The following RAN variants were observed in gnomAD, a reference collection of about 807,000 sequenced individuals.
RAN encodes the protein GTP-binding nuclear protein Ran.
RAN carries 2 observed loss-of-function variants against 26.8 expected under a neutral mutation model. The ratio of observed to expected loss-of-function variants is 0.07; its 90% confidence interval spans 0.03 to 0.23. RAN has a LOEUF of 0.23. Ranked by LOEUF, RAN falls within the 10% of genes least tolerant of loss-of-function variation. RAN has a pLI of 1.00. For synonymous variants in RAN, 132 were observed against 95.9 expected (o/e 1.38, Z -2.20); for missense variants, 56 against 264.8 (o/e 0.21, Z 5.47).
intron 4 of RAN, 181 bp downstream of exon 4, chr12:130,873,309 C>T (rs1953173889): frequency 4.2e-6 from 3 of 709,392 alleles, no homozygotes; most frequent in Non-Finnish European, 6.9e-6. Context: ...AAAGTTGTGT[C>T]ATTTGCATGC....
intron 4 of RAN, 69 bp from the exon 5 acceptor site, chr12:130,874,475 GTC>G: frequency 7.9e-7 from 1 of 1,262,728 alleles, no homozygotes; most frequent in Non-Finnish European, 1.1e-6. Context: ...TTGAATCCTA[GTC>G]TCTGGTTCTT....
Position 130,873,132 on chromosome 12 carries a change from G to A in RAN, c.247+4G>A. 6.2e-7 allele frequency: 1 copy of A among 1,614,156 alleles called. No homozygotes were observed. Among genetic ancestry groups the A allele is most frequent in the Non-Finnish European group, 8.5e-7 (1 of 1,180,006 alleles). ...AGAGATGGCTATTATATCCAAGGTA[G>A]GCATTTGTAACTTGCTGAACGGTTT... On this transcript the variant is annotated splice_donor_region_variant and intron_variant, in intron 4 of 6. Coordinates refer to ENST00000543796, the MANE Select transcript of RAN (RefSeq NM_006325.5).
rs567515486 is a variant in RAN, at chr12:130,874,811, A to G, written c.435+78A>G. Reference sequence around the variant, plus strand: ...AAGACCATGAAATTAACCAGTGTCTATTATATATGGAAATGATTTTTTTTT... The same window carrying G: ...AAGACCATGAAATTAACCAGTGTCTGTTATATATGGAAATGATTTTTTTTT... On this transcript the variant is annotated intron_variant, in intron 5 of 6. Coordinates refer to ENST00000543796, the MANE Select transcript of RAN (RefSeq NM_006325.5). 1.2e-4 allele frequency: 149 copies of G among 1,213,220 alleles called. No individual in the cohort carries two copies. In the South Asian group the frequency reaches 2.1e-3, roughly 17 times the overall value. 75.2% of individuals were successfully genotyped at this position (1,213,220 alleles called of 1,614,324 possible).
In RAN at chr12:130,877,260, G is replaced by A. The variant is rs546280440; in HGVS notation, c.*1334G>A. On this transcript the variant is annotated 3_prime_UTR_variant, in exon 7 of 7. Coordinates refer to ENST00000543796, the MANE Select transcript of RAN (RefSeq NM_006325.5). ...GATGTCTGATAATCTTGAGATGATT[G>A]CTTACCTTAAAAGGTATAGAAAGGA... The A allele has an allele frequency of 7.9e-5, 12 of 152,174 alleles. No individual in the cohort carries two copies. Among genetic ancestry groups the A allele is most frequent in the African/African-American group, 2.9e-4 (12 of 41,502 alleles). 9.4% of individuals were successfully genotyped at this position (152,174 alleles called of 1,614,324 possible).
intron 4 of RAN, chr12:130,874,083 A>G (rs1008148113): frequency 2.9e-6 from 1 of 339,772 alleles, no homozygotes; most frequent in Non-Finnish European, 6.1e-6. Flanking sequence ...TCATGAGCTC[A>G]GGTGATCCAC....
chr12:130,876,208 A>C lies in RAN; in HGVS notation c.*282A>C, dbSNP rs1953237570. On this transcript the variant is annotated 3_prime_UTR_variant, in exon 7 of 7. Coordinates refer to ENST00000543796, the MANE Select transcript of RAN (RefSeq NM_006325.5). ...AGTCACATCACAATATTCAGTGGTGAAATCTTGTTTGTTACTGTCATTCCC... is the reference window on the plus strand; with the variant it reads ...AGTCACATCACAATATTCAGTGGTGCAATCTTGTTTGTTACTGTCATTCCC... 9.3e-6 allele frequency: 4 copies of C among 428,850 alleles called. No homozygotes were observed. The highest frequency in any genetic ancestry group is 8.1e-5 in the Admixed American group (2 of 24,664). The allele number at this position is 428,850 out of a possible 1,614,324, so 26.6% of individuals were successfully genotyped here. A position where few individuals can be genotyped will look rare whatever the true frequency, so the allele number is the denominator to read the frequency against.
Position 130,872,577 on chromosome 12 carries a change from T to C in RAN, c.-10-7T>C. The C allele has an allele frequency of 1.3e-6, 2 of 1,507,716 alleles. No individual in the cohort carries two copies. Among genetic ancestry groups the C allele is most frequent in the Non-Finnish European group, 1.8e-6 (2 of 1,132,874 alleles). 93.4% of individuals were successfully genotyped at this position (1,507,716 alleles called of 1,614,324 possible). ...CGAGCGCTCGCCTCCGTCCTCTGCCTCCGCAGGAACGCCGCGATGGCTGCG... is the reference window on the plus strand; with the variant it reads ...CGAGCGCTCGCCTCCGTCCTCTGCCCCCGCAGGAACGCCGCGATGGCTGCG... On this transcript the variant is annotated splice_polypyrimidine_tract_variant and splice_region_variant and intron_variant, in intron 1 of 6. Transcript: ENST00000543796.
rs570742277 is a variant in RAN at position 130,876,958 on chromosome 12, A to G, written c.*1032A>G. ...CCCCGGGAGGGTTTTTTTGTAGGGC[A>G]GCACAGCAGAGCAGGACATGGATGA... On this transcript the variant is annotated 3_prime_UTR_variant, in exon 7 of 7. Coordinates refer to ENST00000543796, the MANE Select transcript of RAN (RefSeq NM_006325.5). 97 of 152,034 alleles carry G rather than the reference A, an allele frequency of 6.4e-4. No individual in the cohort carries two copies. Among genetic ancestry groups the G allele is most frequent in the African/African-American group, 2.0e-3 (82 of 41,456 alleles). The allele number at this position is 152,034 out of a possible 1,614,324, so 9.4% of individuals were successfully genotyped here. A position where few individuals can be genotyped will look rare whatever the true frequency, so the allele number is the denominator to read the frequency against.
chr12:130,873,273 A>G (rs1953173481), intron 4 of RAN, 145 bp downstream of exon 4: 1 of 1,097,478 alleles, frequency 9.1e-7, no homozygotes, highest in Admixed American at 2.5e-5. Context: ...GTTGACCACC[A>G]TTTTGGTGGC....
rs372635104 is a variant in RAN at position 130,875,814 on chromosome 12, C to G, written c.606+32C>G. The G allele has an allele frequency of 1.2e-4, 197 of 1,614,058 alleles. No individual in the cohort carries two copies. In the African/African-American group the frequency reaches 2.4e-3, roughly 19 times the overall value. On this transcript the variant is annotated intron_variant, in intron 6 of 6. Transcript: ENST00000543796. ...TGGCCACTTTGCTGTTCAGATTGTT[C>G]GGTTTGGCTTGTTTATTCCTGGCAG...
chr12:130,872,774 G>T, intron 2 of RAN, 62 bp from the exon 3 acceptor site: 1 of 1,598,266 alleles, frequency 6.3e-7, no homozygotes, highest in South Asian at 1.1e-5. Flanking sequence ...AAAGTTCCGT[G>T]ACTCTGGGAT....
chr12:130,872,709 G>T (rs898829077), intron 2 of RAN, 80 bp downstream of exon 2: 5 of 1,549,102 alleles, frequency 3.2e-6, no homozygotes, highest in Non-Finnish European at 4.4e-6. Context: ...GGCCACGATG[G>T]CTGTAATGGG....
Position 130,874,682 on chromosome 12 carries a change from C to T in RAN, c.384C>T (p.Asp128=), listed in dbSNP as rs1293059110. The T allele has an allele frequency of 2.5e-6, 4 of 1,613,704 alleles. No homozygotes were observed. The highest frequency in any genetic ancestry group is 3.4e-6 in the Non-Finnish European group (4 of 1,179,736). The change falls in exon 5 of 7, where the codon GAC becomes GAT. Residue 128 remains aspartate, a synonymous_variant. Transcript: ENST00000543796. ...GTGGCAACAAAGTGGATATTAAGGA[C>T]AGGAAAGTGAAGGCGAAATCCATTG... ...VLCGNKVDIK[D]RKVKAKSIVF...
chr12:130,872,524 C>T (rs746537212), intron 1 of RAN, 60 bp from the exon 2 acceptor site: 64 of 1,248,042 alleles, frequency 5.1e-5, no homozygotes, highest in Non-Finnish European at 5.8e-5. Flanking sequence ...GGCGCGGGAG[C>T]GGGGCCGCCA....
chr12:130,873,554 G>T (rs1953181167), intron 4 of RAN: 1 of 171,588 alleles, frequency 5.8e-6, no homozygotes, highest in African/African-American at 2.4e-5. Context: ...AAGACTAGCT[G>T]ATTTCTTGTT....
chr12:130,874,620 C>A lies in RAN; in HGVS notation c.322C>A (p.Leu108Met), dbSNP rs745568472. Residue 108 changes from leucine (L) to methionine (M), a missense_variant, in exon 5 of 7, where the codon CTG becomes ATG. By Grantham distance (15) the Leu-to-Met change is conservative. Around this residue, in one of 2 missense-constraint regions of RAN, gnomAD observed 39 missense variants for 248.7 expected, o/e 0.16. Coordinates refer to ENST00000543796, the MANE Select transcript of RAN (RefSeq NM_006325.5). Reference protein sequence around the residue: ...YKNVPNWHRDLVRVCENIPIV... With the variant: ...YKNVPNWHRDMVRVCENIPIV... Reference sequence around the variant, plus strand: ...GAATGTGCCTAACTGGCATAGAGATCTGGTACGAGTGTGTGAAAACATCCC... The same window carrying A: ...GAATGTGCCTAACTGGCATAGAGATATGGTACGAGTGTGTGAAAACATCCC... The A allele has an allele frequency of 3.7e-6, 6 of 1,607,796 alleles. No individual in the cohort carries two copies. The highest frequency in any genetic ancestry group is 5.1e-6 in the Non-Finnish European group (6 of 1,174,652).
At chr12:130,874,129 G>A (rs7135682) in intron 4 of RAN, 15,390 of 225,094 alleles carry the variant, frequency 0.068, 595 homozygotes, top group Non-Finnish European at 0.082. Context: ...GATTACAGAC[G>A]TGAGCCACAT....
Position 130,872,086 on chromosome 12 carries a change from T to C in RAN, c.-51T>C. ...CGTTTGAATTGCGCTTCCGCCATCT[T>C]TCCAGCCTCAGTCGGACGGGCGCGG... is the stretch of plus-strand genomic sequence containing the variant. On this transcript the variant is annotated 5_prime_UTR_variant, in exon 1 of 7. Transcript: ENST00000543796. The C allele has an allele frequency of 3.1e-6, 1 of 326,916 alleles. No homozygotes were observed. The allele number at this position is 326,916 out of a possible 1,614,324, so 20.3% of individuals were successfully genotyped here.
At chr12:130,873,475 C>T (rs1953177212) in intron 4 of RAN, 1 of 270,762 alleles carries the variant, frequency 3.7e-6, no homozygotes, top group Non-Finnish European at 7.3e-6. Flanking sequence ...AATGTTTTTA[C>T]TGTATTAGAA....
Sources: allele counts gnomAD v4.1 joint callset, GRCh38; gene constraint gnomAD v4.1.1; regional missense constraint gnomAD v4.1.1; transcripts MANE v1.5; gene names NCBI Gene and HGNC (gene_info 2026-07-23, HGNC 2026-07-21).